Variants in TMPRSS15 observed in about 807,000 individuals in gnomAD.
The protein encoded by TMPRSS15 is enteropeptidase.
A neutral mutation model predicts 125.3 loss-of-function variants in TMPRSS15; 128 were observed. The observed-to-expected ratio is 1.02, with a 90% CI of 0.89 to 1.18. The LOEUF is 1.18. Ranked by LOEUF, TMPRSS15 falls within the 50% of genes most tolerant of loss-of-function variation. The pLI is 0.00. For missense variants in TMPRSS15, 1,283 were observed against 1,212.7 expected, an observed-to-expected ratio of 1.06 and a Z score of -0.86; for synonymous variants, 446 against 423.2, an observed-to-expected ratio of 1.05 and a Z score of -0.66.
intron 1 of TMPRSS15, among the ~76,000 whole-genome samples, chr21:18,409,060 C>A (rs1364572482): frequency 1.3e-5 from 2 of 152,008 alleles, no homozygotes; most frequent in Admixed American, 6.6e-5. Context: ...TGTGAGAAAT[C>A]TTCCTCTTTC....
At chr21:18,295,734 A>G (rs1210682730) in intron 19 of TMPRSS15, among the ~76,000 whole-genome samples, 1 of 152,244 alleles carries the variant, frequency 6.6e-6, no homozygotes, top group East Asian at 1.9e-4. Flanking sequence ...GCATGCATGT[A>G]TATCAATCTA....
At chr21:18,276,383 C>T (rs1318775996) in intron 23 of TMPRSS15, among the ~76,000 whole-genome samples, 1 of 152,108 alleles carries the variant, frequency 6.6e-6, no homozygotes, top group Non-Finnish European at 1.5e-5. Flanking sequence ...TGGCAGTGAA[C>T]ATGGAGTAAA....
At chr21:18,353,178 AT>A in intron 9 of TMPRSS15, 126 bp from the exon 10 acceptor site, 3 of 854,696 alleles carry the variant, frequency 3.5e-6, no homozygotes, top group Non-Finnish European at 3.6e-6. Flanking sequence ...CAAAATCATT[AT>A]TTTTTATTGA....
intron 7 of TMPRSS15, among the ~76,000 whole-genome samples, chr21:18,364,843 A>C (rs934411706): frequency 7.2e-5 from 11 of 152,204 alleles, no homozygotes; most frequent in African/African-American, 1.4e-4. Context: ...ACACAGACAT[A>C]CATGTATGTT....
intron 14 of TMPRSS15, among the ~76,000 whole-genome samples, chr21:18,331,423 G>A (rs1261340100): frequency 6.6e-6 from 1 of 152,190 alleles, no homozygotes; most frequent in Non-Finnish European, 1.5e-5. Context: ...TAGGGAATCT[G>A]CATCTCCAAC....
intron 1 of TMPRSS15, chr21:18,477,724 A>G: frequency 6.6e-6 from 1 of 152,130 alleles, no homozygotes; most frequent in Admixed American, 6.6e-5. Context: ...GAGAAAATAT[A>G]AAGTTTACTT....
intron 5 of TMPRSS15, among the ~76,000 whole-genome samples, chr21:18,378,177 T>C (rs1285282458): frequency 6.6e-6 from 1 of 152,136 alleles, no homozygotes; most frequent in African/African-American, 2.4e-5. Flanking sequence ...AGCTTACTTA[T>C]TCAGTTTATT....
chr21:18,315,400 A>G (rs1279535628), intron 16 of TMPRSS15, 144 bp from the exon 17 acceptor site: 3 of 670,030 alleles, frequency 4.5e-6, no homozygotes, highest in Non-Finnish European at 8.0e-6. Context: ...AGTAAATGAG[A>G]GTTAATGGGT....
chr21:18,475,814 A>G (rs1414478291), intron 1 of TMPRSS15, among the ~76,000 whole-genome samples: 1 of 152,214 alleles, frequency 6.6e-6, no homozygotes, highest in Non-Finnish European at 1.5e-5. Flanking sequence ...CAAGGGAGCA[A>G]TTACTTTGGC....
intron 1 of TMPRSS15, among the ~76,000 whole-genome samples, chr21:18,474,284 T>C (rs1266689695): frequency 6.6e-6 from 1 of 151,278 alleles, no homozygotes; most frequent in African/African-American, 2.5e-5. Flanking sequence ...AAAAAAGATA[T>C]ACATTTTGCT....
intron 3 of TMPRSS15, among the ~76,000 whole-genome samples, chr21:18,392,250 T>C (rs146658319): frequency 1.3e-5 from 2 of 152,346 alleles, no homozygotes; most frequent in African/African-American, 4.8e-5. Flanking sequence ...TGCCACATAG[T>C]TAGCCTGCAA....
At chr21:18,369,965 T>TAA in intron 6 of TMPRSS15, among the ~76,000 whole-genome samples, 1 of 85,628 alleles carries the variant, frequency 1.2e-5, no homozygotes, top group Admixed American at 1.6e-4. Context: ...ATATAATACT[T>TAA]ACTTAAACGA....
At chr21:18,440,229 C>T (rs563730356) in intron 1 of TMPRSS15, among the ~76,000 whole-genome samples, 8 of 150,908 alleles carry the variant, frequency 5.3e-5, no homozygotes, top group Non-Finnish European at 7.4e-5. Context: ...AAAAATTAGC[C>T]GGGCATGGTG....
intron 3 of TMPRSS15, among the ~76,000 whole-genome samples, chr21:18,390,186 C>T (rs187956171): frequency 3.9e-5 from 6 of 152,242 alleles, no homozygotes; most frequent in Admixed American, 3.3e-4. Flanking sequence ...CATGACCCAC[C>T]CTTTCAAGTC....
At chr21:18,285,775 A>G (rs933742978) in intron 21 of TMPRSS15, among the ~76,000 whole-genome samples, 1 of 152,222 alleles carries the variant, frequency 6.6e-6, no homozygotes, top group African/African-American at 2.4e-5. Flanking sequence ...CAGTTAAAAG[A>G]AAAGAGTTGT....
At chr21:18,398,415 AAG>A in intron 1 of TMPRSS15, 86 bp from the exon 2 acceptor site, 1 of 1,428,406 alleles carries the variant, frequency 7.0e-7, no homozygotes, top group Non-Finnish European at 9.8e-7. Flanking sequence ...CATAGAAGTA[AAG>A]CTCTCGCCTG....
intron 10 of TMPRSS15, among the ~76,000 whole-genome samples, chr21:18,345,858 TTA>T (rs982189914): frequency 3.3e-5 from 5 of 151,656 alleles, no homozygotes; most frequent in African/African-American, 1.2e-4. Flanking sequence ...ATGCTCCTAT[TTA>T]TGTTTGGCCA....
At chr21:18,407,650 G>A (rs750371598), upstream of TMPRSS15, among the ~76,000 whole-genome samples, 2 of 151,876 alleles carry the variant, frequency 1.3e-5, no homozygotes, top group Non-Finnish European at 2.9e-5. Flanking sequence ...TTGTAGAAAT[G>A]AGGTCTCACT....
intron 1 of TMPRSS15, among the ~76,000 whole-genome samples, chr21:18,424,158 G>A (rs1480557399): frequency 6.6e-6 from 1 of 152,156 alleles, no homozygotes; most frequent in Admixed American, 6.5e-5. Flanking sequence ...GATTCATAGT[G>A]TTATCTGAGG....
Sources: allele counts gnomAD v4.1 joint callset (sites outside exome capture counted in the v4.1 genomes callset), GRCh38; gene constraint gnomAD v4.1.1; transcripts MANE v1.5; gene names NCBI Gene and HGNC (gene_info 2026-07-23, HGNC 2026-07-21).